The following SCN3A variants were observed in gnomAD, a reference collection of about 807,000 sequenced individuals.
SCN3A encodes the protein sodium voltage-gated channel alpha subunit 3, also known as sodium channel protein type 3 subunit alpha.
A neutral mutation model predicts 187.6 loss-of-function variants in SCN3A; 60 were observed. The ratio of observed to expected loss-of-function variants is 0.32; its 90% CI spans 0.26 to 0.40. SCN3A has a LOEUF of 0.40. SCN3A is among the 10% of genes least tolerant of loss of function. The pLI, the probability that SCN3A is intolerant of heterozygous loss-of-function variation, is 1.00. For synonymous variants in SCN3A, 788 were observed against 829.2 expected, an observed-to-expected ratio of 0.95 and a Z score of 0.85; for missense variants, 1,601 against 2,428.2, an observed-to-expected ratio of 0.66 and a Z score of 7.16.
Position 165,140,723 on chromosome 2 carries a change from A to G in SCN3A, c.1947T>C (p.Asp649=), listed in dbSNP as rs1687958625. The G allele has an allele frequency of 6.2e-7, 1 of 1,614,042 alleles. No individual in the cohort carries two copies. The highest frequency in any genetic ancestry group is 2.2e-5 in the East Asian group (1 of 44,870). ...CCACCAAGGAAACCACACCATTGCA[A>G]TCCACAGTGCTGTGCATCTTCCCAT... The part of the protein sequence containing the change: ...PANGKMHSTV[D]CNGVVSLVGG... The change falls in exon 13 of 28, where the codon GAT becomes GAC. Residue 649 remains aspartate, a synonymous_variant. Transcript: ENST00000283254. This position sits in a 1 kb window ranked among gnomAD's most constrained non-coding sequence, Gnocchi z 4.2.
rs186618837 is a variant in SCN3A at position 165,194,257 on chromosome 2, G to A, written c.-247-7510C>T. 2.0e-5 allele frequency among the ~76,000 whole-genome samples: 3 copies of A among 152,214 alleles called. No homozygotes were observed. In the East Asian group the frequency reaches 5.8e-4, roughly 30 times the overall value. ...CGTGTTTATGTGAGTAAAAAAGAAGGGAGAGGTGGGAAATTGACCAGTTAA... is the reference window on the plus strand; with the variant it reads ...CGTGTTTATGTGAGTAAAAAAGAAGAGAGAGGTGGGAAATTGACCAGTTAA... On this transcript the variant is annotated intron_variant, in intron 1 of 27. Transcript: ENST00000283254.
intron 11 of SCN3A, among the ~76,000 whole-genome samples, chr2:165,151,817 T>C (rs1688699947): frequency 6.6e-6 from 1 of 152,118 alleles, no homozygotes; most frequent in Non-Finnish European, 1.5e-5. Context: ...CTTAGAAAAC[T>C]ACCTGAGGCT....
intron 5 of SCN3A, among the ~76,000 whole-genome samples, chr2:165,167,310 C>G (rs1689830132): frequency 1.3e-5 from 2 of 152,024 alleles, no homozygotes; most frequent in Admixed American, 1.3e-4. Context: ...AATGGCTTTC[C>G]TCAATATGGG....
At chr2:165,147,503 T>G (rs977229690) in intron 11 of SCN3A, among the ~76,000 whole-genome samples, 1 of 152,132 alleles carries the variant, frequency 6.6e-6, no homozygotes, top group Non-Finnish European at 1.5e-5. Context: ...CATAAAACAT[T>G]TCAAGTGTCT....
chr2:165,151,854 A>G (rs1688702224), intron 11 of SCN3A, among the ~76,000 whole-genome samples: 1 of 152,162 alleles, frequency 6.6e-6, no homozygotes, highest in Non-Finnish European at 1.5e-5. Flanking sequence ...ACCACCTGGC[A>G]ATCACACTGT....
chr2:165,094,318 A>G (rs989803498), intron 26 of SCN3A, 56 bp downstream of exon 26: 3 of 1,238,586 alleles, frequency 2.4e-6, no homozygotes, highest in African/African-American at 3.0e-5. Flanking sequence ...GCATTGCTCA[A>G]TTTGACCATA....
In SCN3A at chr2:165,128,356, A is replaced by G. The variant is rs979961677; in HGVS notation, c.2923-255T>C. 3.3e-5 allele frequency among the ~76,000 whole-genome samples: 5 copies of G among 152,090 alleles called. No individual in the cohort carries two copies. In the South Asian group the frequency reaches 8.3e-4, roughly 25 times the overall value. ...GGGACAATAGGAAAGCAGAGCTTCT[A>G]AGATTTAAATGGTGTCTACTCAGGT... is the stretch of plus-strand genomic sequence containing the variant. On this transcript the variant is annotated intron_variant, in intron 17 of 27. Coordinates refer to ENST00000283254, the MANE Select transcript of SCN3A (RefSeq NM_006922.4).
chr2:165,168,301 A>G (rs994483543), intron 5 of SCN3A, among the ~76,000 whole-genome samples: 37 of 152,218 alleles, frequency 2.4e-4, no homozygotes, highest in African/African-American at 8.7e-4. Context: ...TAGACATCTT[A>G]GATGTATAAT....
At chr2:165,169,920 A>G (rs573397728) in intron 4 of SCN3A, among the ~76,000 whole-genome samples, 4 of 151,966 alleles carry the variant, frequency 2.6e-5, no homozygotes, top group South Asian at 2.1e-4. Context: ...AGTCTGATAA[A>G]TATTTACTGA....
intron 18 of SCN3A, among the ~76,000 whole-genome samples, chr2:165,117,860 A>G (rs560622837): frequency 1.3e-5 from 2 of 152,302 alleles, no homozygotes; most frequent in East Asian, 1.9e-4. Context: ...TTTAGAAAAT[A>G]TACTCACCCT....
chr2:165,157,236 T>A (rs1689115367), intron 9 of SCN3A, among the ~76,000 whole-genome samples: 1 of 152,136 alleles, frequency 6.6e-6, no homozygotes, highest in Non-Finnish European at 1.5e-5. Flanking sequence ...ATGTCCTTTT[T>A]TTGTTCCAGG....
chr2:165,095,370 C>T (rs1685318945), intron 25 of SCN3A, 141 bp downstream of exon 25: 1 of 840,300 alleles, frequency 1.2e-6, no homozygotes, highest in Non-Finnish European at 1.9e-6. Flanking sequence ...GGAATCCCTG[C>T]AGCTTAAATA....
rs74354228 is a variant in SCN3A at position 165,106,546 on chromosome 2, T to C, written c.3844-6122A>G. The stretch of plus-strand genomic sequence containing the variant: ...TGTTTTTGACATTTTACATAATGAA[T>C]GTATGTTATATGTTACTTAACTAGA... On this transcript the variant is annotated intron_variant, in intron 21 of 27. Transcript: ENST00000283254. Among the ~76,000 whole-genome samples, 1,108 of 152,322 alleles carry C rather than the reference T, an allele frequency of 7.3e-3. 9 individuals are homozygous for C. The highest frequency in any genetic ancestry group is 0.012 in the Non-Finnish European group (829 of 68,032).
intron 21 of SCN3A, among the ~76,000 whole-genome samples, chr2:165,111,745 G>A (rs547753118): frequency 3.3e-5 from 5 of 152,176 alleles, no homozygotes; most frequent in South Asian, 4.2e-4. Context: ...CTCTAGCTGC[G>A]GAATGTGAAA....
At chr2:165,201,702 T>G (rs1692331430) in intron 1 of SCN3A, among the ~76,000 whole-genome samples, 1 of 152,030 alleles carries the variant, frequency 6.6e-6, no homozygotes, top group South Asian at 2.1e-4. Flanking sequence ...CTTCTCCATG[T>G]TGTTTCCTGC....
chr2:165,190,588 ATATATATATAACTT>A (rs1034516216), intron 1 of SCN3A, among the ~76,000 whole-genome samples: 2 of 142,752 alleles, frequency 1.4e-5, no homozygotes, highest in African/African-American at 5.5e-5. Context: ...ATAAAACTTT[ATATATATATAACTT>A]TATATATATA....
At chr2:165,100,559 T>C in intron 21 of SCN3A, 135 bp from the exon 22 acceptor site, 1 of 811,244 alleles carries the variant, frequency 1.2e-6, no homozygotes, top group East Asian at 2.8e-5. Flanking sequence ...TTCCACATAG[T>C]GGGGTCATCT....
chr2:165,109,715 T>G (rs1686026924), intron 21 of SCN3A, among the ~76,000 whole-genome samples: 1 of 152,194 alleles, frequency 6.6e-6, no homozygotes, highest in South Asian at 2.1e-4. Flanking sequence ...TATGATCATT[T>G]TGTAACAGTA....
intron 21 of SCN3A, among the ~76,000 whole-genome samples, chr2:165,101,927 T>C (rs891360369): frequency 6.6e-6 from 1 of 152,256 alleles, no homozygotes; most frequent in Non-Finnish European, 1.5e-5. Context: ...ATGACTTGAC[T>C]GCTAAACTTG....
Sources: gnomAD v4.1 joint callset for allele counts (sites outside exome capture counted in the v4.1 genomes callset) on GRCh38, gnomAD v4.1.1 for gene constraint, Gnocchi (gnomAD v3.1) non-coding constraint, MANE v1.5 for transcripts, NCBI Gene and HGNC (gene_info 2026-07-23, HGNC 2026-07-21) for gene names.